SYNPR: variants seen among roughly 807,000 people sequenced by gnomAD.
SYNPR encodes synaptoporin.
A neutral mutation model predicts 32.9 loss-of-function variants in SYNPR; 23 were observed. The ratio of observed to expected loss-of-function variants is 0.70; its 90% CI spans 0.50 to 0.99. The LOEUF (loss-of-function observed/expected upper bound fraction) is 0.99. Among genes scored for constraint, SYNPR ranks in the 50% least tolerant of loss-of-function variants. The pLI is 0.00. For synonymous variants in SYNPR, 146 were observed against 135.9 expected (o/e 1.07, Z -0.52); for missense variants, 318 against 349.3 (o/e 0.91, Z 0.71).
intron 3 of SYNPR, among the ~76,000 whole-genome samples, chr3:63,499,660 G>C (rs899878623): frequency 6.6e-6 from 1 of 152,310 alleles, no homozygotes; most frequent in East Asian, 1.9e-4. Context: ...TGCATGTCCT[G>C]TGACAGAGAC....
chr3:63,595,279 T>A (rs1699913698), intron 4 of SYNPR, among the ~76,000 whole-genome samples: 1 of 152,090 alleles, frequency 6.6e-6, no homozygotes, highest in South Asian at 2.1e-4. Context: ...ATTTCTCCTC[T>A]CTAGTAAAGA....
intron 2 of SYNPR, among the ~76,000 whole-genome samples, chr3:63,262,660 A>G (rs2086449160): frequency 6.6e-6 from 1 of 152,162 alleles, no homozygotes; most frequent in African/African-American, 2.4e-5. Context: ...GACCGTGCCA[A>G]AGCCCAGCCC....
At chr3:63,247,085 AG>A (rs2086298175) in intron 1 of SYNPR, among the ~76,000 whole-genome samples, 1 of 151,926 alleles carries the variant, frequency 6.6e-6, no homozygotes, top group Non-Finnish European at 1.5e-5. Flanking sequence ...GAAAAAAAAA[AG>A]TTTAGCATAA....
intron 3 of SYNPR, among the ~76,000 whole-genome samples, chr3:63,507,854 C>G (rs1701619303): frequency 1.3e-5 from 2 of 148,792 alleles, no homozygotes; most frequent in South Asian, 4.3e-4. Flanking sequence ...GGAACTCCAA[C>G]ACAACACTGA....
At chr3:63,240,318 A>G (rs2106880088) in intron 1 of SYNPR, among the ~76,000 whole-genome samples, 1 of 152,252 alleles carries the variant, frequency 6.6e-6, no homozygotes, top group South Asian at 2.1e-4. Context: ...AGAAGCACCC[A>G]TCCCATTTTA....
chr3:63,551,439 G>C (rs1702498289), intron 3 of SYNPR, among the ~76,000 whole-genome samples: 1 of 152,064 alleles, frequency 6.6e-6, no homozygotes, highest in Middle Eastern at 3.2e-3. Flanking sequence ...ATCTAGGAGT[G>C]GAATTGCTGG....
the SYNPR span, among the ~76,000 whole-genome samples, chr3:63,211,055 G>T: frequency 3.9e-5 from 6 of 152,038 alleles, no homozygotes; most frequent in Non-Finnish European, 5.9e-5. Flanking sequence ...TTAGGCTGTT[G>T]GGAAAGGTAC....
Position 63,556,523 on chromosome 3 carries a change from C to A in SYNPR, c.210-20C>A. On this transcript the variant is annotated intron_variant, in intron 3 of 5. Coordinates refer to ENST00000478300, the MANE Select transcript of SYNPR (RefSeq NM_001130003.2). ...TCTCCATTGCATTTAAAGAATGTCT[C>A]CTTAAATCTGGCAATTTAGGTTGCA... The A allele has an allele frequency of 6.3e-7, 1 of 1,596,252 alleles. No homozygotes were observed. The highest frequency in any genetic ancestry group is 1.7e-5 in the Admixed American group (1 of 57,406).
rs71126590 is a variant in SYNPR at position 63,265,241 on chromosome 3, C to CTTTTTTTT, written n.155-2057_155-2050dup. 5.6e-3 allele frequency among the ~76,000 whole-genome samples: 573 copies of CTTTTTTTT among 102,102 alleles called. 94 individuals are homozygous for CTTTTTTTT. Among genetic ancestry groups the CTTTTTTTT allele is most frequent in the East Asian group, 0.023 (57 of 2,486 alleles). 67.0% of individuals were successfully genotyped at this position (102,102 alleles called of 152,430 possible). The stretch of plus-strand genomic sequence containing the variant: ...TGGCAATTTGGTTTCTAATGACATT[C>CTTTTTTTT]TTTTTTTTTTTTTTTTTTTTTTTTT... On this transcript the variant is annotated intron_variant and non_coding_transcript_variant, in intron 2 of 4. Transcript: ENST00000478456.
In SYNPR at chr3:63,615,236, T is replaced by C; in HGVS notation, c.613T>C (p.Leu205=). The change falls in exon 6 of 6, where the codon TTG becomes CTG. Residue 205 remains leucine (L), a synonymous_variant. Transcript: ENST00000478300. Reference sequence around the variant, plus strand: ...GATTCTCCTTCAGGTCTTTGGATTCTTGAACTTTATTCTCTGGGCTGGAAA... The same window carrying C: ...GATTCTCCTTCAGGTCTTTGGATTCCTGAACTTTATTCTCTGGGCTGGAAA... The part of the protein sequence containing the change: ...SLNTSVVFGF[L]NFILWAGNIW... 1.2e-6 allele frequency: 2 copies of C among 1,613,606 alleles called. No individual in the cohort carries two copies. The highest frequency in any genetic ancestry group is 1.7e-6 in the Non-Finnish European group (2 of 1,179,648).
intron 2 of SYNPR, among the ~76,000 whole-genome samples, chr3:63,264,266 T>TA (rs1560172668): frequency 1.3e-5 from 2 of 152,010 alleles, no homozygotes; most frequent in African/African-American, 4.8e-5. Flanking sequence ...TTGGGTAGAT[T>TA]AAAAAAAGTG....
chr3:63,352,453 A>G (rs1309113506), intron 2 of SYNPR, among the ~76,000 whole-genome samples: 3 of 152,174 alleles, frequency 2.0e-5, no homozygotes, highest in Non-Finnish European at 4.4e-5. Context: ...ACCTCTTGGG[A>G]AAACACTTAT....
chr3:63,484,654 A>G (rs947837754), intron 3 of SYNPR, among the ~76,000 whole-genome samples: 1 of 152,140 alleles, frequency 6.6e-6, no homozygotes, highest in Non-Finnish European at 1.5e-5. Flanking sequence ...CTTGACATAT[A>G]TTAGATTATG....
intron 3 of SYNPR, among the ~76,000 whole-genome samples, chr3:63,521,208 T>G: frequency 6.6e-6 from 1 of 152,024 alleles, no homozygotes; most frequent in East Asian, 1.9e-4. Flanking sequence ...CACTTGGAGG[T>G]CCCCAGTTCT....
chr3:63,556,406 C>A, intron 3 of SYNPR, 137 bp from the exon 4 acceptor site: 1 of 641,392 alleles, frequency 1.6e-6, no homozygotes, highest in East Asian at 2.8e-5. Context: ...CTGTAAATTT[C>A]TTAATGAATA....
intron 2 of SYNPR, among the ~76,000 whole-genome samples, chr3:63,466,097 C>T (rs1358112690): frequency 6.6e-6 from 1 of 152,118 alleles, no homozygotes; most frequent in African/African-American, 2.4e-5. Context: ...GTGTGTTGTT[C>T]TCCTCTATGT....
At chr3:63,495,210 G>A (rs1701349630) in intron 3 of SYNPR, among the ~76,000 whole-genome samples, 1 of 152,202 alleles carries the variant, frequency 6.6e-6, no homozygotes, top group Non-Finnish European at 1.5e-5. Context: ...CTGTCACTTA[G>A]AGACTGTTAA....
intron 2 of SYNPR, among the ~76,000 whole-genome samples, chr3:63,466,837 T>A (rs1428785022): frequency 6.8e-6 from 1 of 146,418 alleles, no homozygotes; most frequent in East Asian, 1.9e-4. Flanking sequence ...CATTTAACTT[T>A]AATTACTACC....
intron 1 of SYNPR, among the ~76,000 whole-genome samples, chr3:63,244,256 G>T (rs1294401409): frequency 6.6e-6 from 1 of 152,034 alleles, no homozygotes; most frequent in African/African-American, 2.4e-5. Flanking sequence ...GATTGAGGTG[G>T]GGTAGATATG....
Sources: gnomAD v4.1 joint callset for allele counts (sites outside exome capture counted in the v4.1 genomes callset) on GRCh38, gnomAD v4.1.1 for gene constraint, MANE v1.5 for transcripts, NCBI Gene and HGNC (gene_info 2026-07-23, HGNC 2026-07-21) for gene names.